Variants in SYNE2 observed in about 807,000 individuals in gnomAD.
SYNE2 encodes spectrin repeat containing nuclear envelope protein 2.
A neutral mutation model predicts 856.3 loss-of-function variants in SYNE2; 431 were observed. That is an observed-to-expected ratio of 0.50 (90% confidence interval 0.47 to 0.55). SYNE2 has a LOEUF of 0.55. SYNE2 is among the 20% of genes least tolerant of loss of function. The probability of loss-of-function intolerance (pLI) is 0.00; values close to 1 mark genes in which losing one functional copy is unlikely to be tolerated. For missense variants in SYNE2, 8,129 were observed against 8,023.2 expected, an observed-to-expected ratio of 1.01 and a Z score of -0.50; for synonymous variants, 2,923 against 2,872.3, an observed-to-expected ratio of 1.02 and a Z score of -0.56.
chr14:64,133,261 TA>T (rs778331279), intron 77 of SYNE2, among the ~76,000 whole-genome samples: 16 of 152,154 alleles, frequency 1.1e-4, no homozygotes, highest in African/African-American at 3.4e-4. Flanking sequence ...AATATGGTGT[TA>T]TTTTTTTTGC....
intron 93 of SYNE2, 40 bp from the exon 94 acceptor site, chr14:64,170,188 T>G (rs1260386667): frequency 1.3e-6 from 2 of 1,591,762 alleles, no homozygotes; most frequent in Non-Finnish European, 1.7e-6. Flanking sequence ...TTTTTCTACA[T>G]GTCGATGTCT....
chr14:64,209,154 C>A, intron 101 of SYNE2: 2 of 841,620 alleles, frequency 2.4e-6, no homozygotes, highest in Non-Finnish European at 3.7e-6. Context: ...TGGGGTGTGG[C>A]TGTGGACTGG....
intron 104 of SYNE2, 129 bp from the exon 105 acceptor site, chr14:64,212,682 A>C: frequency 2.4e-6 from 2 of 842,900 alleles, no homozygotes; most frequent in Non-Finnish European, 3.9e-6. Context: ...AACTAAAGCT[A>C]GAGTAGTAGG....
At chr14:63,994,820 C>T (rs541706335) in intron 22 of SYNE2, among the ~76,000 whole-genome samples, 38 of 152,064 alleles carry the variant, frequency 2.5e-4, no homozygotes, top group African/African-American at 8.7e-4. Flanking sequence ...CTTAACAGTG[C>T]CTTTCACAGC....
In SYNE2 at chr14:64,025,044, T is replaced by C. The variant is rs377327088; in HGVS notation, c.5960+13T>C. 4.3e-6 allele frequency: 7 copies of C among 1,613,956 alleles called. No individual in the cohort carries two copies. In the African/African-American group the frequency reaches 6.7e-5, roughly 15 times the overall value. The stretch of plus-strand genomic sequence containing the variant: ...TAGCTAGAAAGAGGTATAGCTGATC[T>C]TGTATGAAATACATTACCTGAGATT... On this transcript the variant is annotated intron_variant, in intron 40 of 115. Coordinates refer to ENST00000555002, the MANE Select transcript of SYNE2 (RefSeq NM_182914.3).
At chr14:63,926,053 AGAC>A (rs2153386409) in intron 2 of SYNE2, among the ~76,000 whole-genome samples, 2 of 152,182 alleles carry the variant, frequency 1.3e-5, no homozygotes, top group South Asian at 4.1e-4. Context: ...CATGTTGCCC[AGAC>A]TGGTCTTGAA....
intron 45 of SYNE2, among the ~76,000 whole-genome samples, chr14:64,047,002 G>T (rs1321482447): frequency 6.6e-6 from 1 of 152,262 alleles, no homozygotes; most frequent in Non-Finnish European, 1.5e-5. Context: ...TCGTCATGTG[G>T]AGCAGTTGCC....
chr14:64,041,552 A>G (rs556586556), intron 45 of SYNE2, among the ~76,000 whole-genome samples: 66 of 152,324 alleles, frequency 4.3e-4, no homozygotes, highest in African/African-American at 1.5e-3. Flanking sequence ...CAATGAACAT[A>G]TGAAGAGTAG....
chr14:63,914,713 G>C (rs1172026611), intron 2 of SYNE2, among the ~76,000 whole-genome samples: 1 of 152,178 alleles, frequency 6.6e-6, no homozygotes, highest in East Asian at 1.9e-4. Flanking sequence ...TTTTGAAGTT[G>C]AGCTGCTTGG....
chr14:63,906,234 A>G (rs1470199463), intron 1 of SYNE2, among the ~76,000 whole-genome samples: 1 of 152,080 alleles, frequency 6.6e-6, no homozygotes, highest in Admixed American at 6.5e-5. Flanking sequence ...TTTTGCATCT[A>G]TGTTCATCAG....
At chr14:63,827,463 A>G (rs1889478657) in intron 1 of SYNE2, among the ~76,000 whole-genome samples, 1 of 151,510 alleles carries the variant, frequency 6.6e-6, no homozygotes, top group African/African-American at 2.4e-5. Flanking sequence ...TGTCTCTACT[A>G]AAAATACAAA....
At position 63,948,786 on chromosome 14, in the gene SYNE2, A is replaced by C. The variant is rs1227802317; in HGVS notation, c.409-1039A>C. Among the ~76,000 whole-genome samples, 63 of 40,522 alleles carry C rather than the reference A, an allele frequency of 1.6e-3. 2 individuals are homozygous for C. Among genetic ancestry groups the C allele is most frequent in the African/African-American group, 9.5e-3 (60 of 6,332 alleles). 26.6% of individuals were successfully genotyped at this position (40,522 alleles called of 152,430 possible). The stretch of plus-strand genomic sequence containing the variant: ...TATATATATGTATGTGTGTGTGTAT[A>C]TATATATATATATATATATATATAT... On this transcript the variant is annotated intron_variant, in intron 6 of 115. Transcript: ENST00000555002.
chr14:63,897,316 A>G (rs1385737097), intron 1 of SYNE2, among the ~76,000 whole-genome samples: 1 of 152,184 alleles, frequency 6.6e-6, no homozygotes, highest in African/African-American at 2.4e-5. Context: ...TAGCATGTCT[A>G]TCCTTTGTGC....
intron 57 of SYNE2, among the ~76,000 whole-genome samples, chr14:64,086,788 C>A (rs146523911): frequency 0.022 from 3,229 of 147,392 alleles, 61 homozygotes; most frequent in Non-Finnish European, 0.031. Context: ...TGGCTCACTG[C>A]AGCCTCCGCC....
In SYNE2 at chr14:63,964,002, T is replaced by C. The variant is rs2096356564; in HGVS notation, c.990+2T>C. The C allele has an allele frequency of 6.5e-7, 1 of 1,541,286 alleles. No homozygotes were observed. The highest frequency in any genetic ancestry group is 9.0e-7 in the Non-Finnish European group (1 of 1,115,722). ...GATACCTACTTTAAAAAGTATAATG[T>C]AAGTATGATTTTAAACAGCTGTTTG... On this transcript the variant is annotated splice_donor_variant, in intron 10 of 115. Transcript: ENST00000555002. LOFTEE classifies it high-confidence loss of function.
intron 7 of SYNE2, among the ~76,000 whole-genome samples, chr14:63,951,358 A>C (rs1391950286): frequency 6.6e-6 from 1 of 152,048 alleles, no homozygotes; most frequent in Non-Finnish European, 1.5e-5. Flanking sequence ...GCTGGAGTGC[A>C]GTGGCACGAT....
chr14:64,209,753 C>A, intron 102 of SYNE2, 175 bp downstream of exon 102: 2 of 1,134,288 alleles, frequency 1.8e-6, no homozygotes, highest in Non-Finnish European at 1.3e-6. Context: ...TGCTGATGTA[C>A]TCCAGCTGCT....
chr14:63,775,070 G>A (rs1307718112), intron 1 of SYNE2, among the ~76,000 whole-genome samples: 3 of 152,050 alleles, frequency 2.0e-5, no homozygotes, highest in Admixed American at 1.3e-4. Context: ...TCCACCTCTT[G>A]GGTTCAAGTG....
At chr14:64,189,391 C>T (rs1396208657) in intron 98 of SYNE2, among the ~76,000 whole-genome samples, 1 of 151,738 alleles carries the variant, frequency 6.6e-6, no homozygotes, top group African/African-American at 2.4e-5. Context: ...CAGTGAGGCT[C>T]ATAATTTTGA....
Sources: gnomAD v4.1 joint callset for allele counts (sites outside exome capture counted in the v4.1 genomes callset) on GRCh38, gnomAD v4.1.1 for gene constraint, MANE v1.5 for transcripts, NCBI Gene and HGNC (gene_info 2026-07-23, HGNC 2026-07-21) for gene names.